The following ROBO2 variants were observed in gnomAD, a reference collection of about 807,000 sequenced individuals.
ROBO2 encodes roundabout guidance receptor 2, also known as roundabout homolog 2.
Under a neutral mutation model 160.8 loss-of-function variants are expected in ROBO2, and 53 were observed. The ratio of observed to expected loss-of-function variants is 0.33; its 90% CI spans 0.26 to 0.41. The LOEUF (loss-of-function observed/expected upper bound fraction) is 0.41. ROBO2 is among the 10% of genes least tolerant of loss of function. The pLI, the probability that ROBO2 is intolerant of heterozygous loss-of-function variation, is 1.00. For missense variants in ROBO2, 1,577 were observed against 1,722.4 expected (o/e 0.92, Z 1.49); for synonymous variants, 664 against 611.7 (o/e 1.09, Z -1.26).
intron 2 of ROBO2, among the ~76,000 whole-genome samples, chr3:76,284,791 A>G (rs1039059): frequency 0.011 from 1,610 of 152,184 alleles, 21 homozygotes; most frequent in African/African-American, 0.034. Context: ...ATATGCATTG[A>G]CATTTTCCCC....
At chr3:77,592,199 T>G (rs936934410) in intron 17 of ROBO2, among the ~76,000 whole-genome samples, 2 of 152,190 alleles carry the variant, frequency 1.3e-5, no homozygotes, top group Admixed American at 6.5e-5. Context: ...TTAGATTGTG[T>G]ACTAAATTGT....
chr3:77,454,119 G>C (rs58782614), intron 2 of ROBO2, among the ~76,000 whole-genome samples: 4 of 137,036 alleles, frequency 2.9e-5, no homozygotes, highest in African/African-American at 1.1e-4. Flanking sequence ...CTTACTCTGG[G>C]CTTTTTTTTT....
intron 2 of ROBO2, among the ~76,000 whole-genome samples, chr3:75,943,012 T>A (rs1576238832): frequency 6.2e-5 from 1 of 16,072 alleles, no homozygotes; most frequent in African/African-American, 7.7e-5. Flanking sequence ...CCTTAAAAAA[T>A]TATTTTTTTC....
At chr3:77,238,897 T>C (rs1035498771) in intron 2 of ROBO2, among the ~76,000 whole-genome samples, 1 of 152,148 alleles carries the variant, frequency 6.6e-6, no homozygotes, top group African/African-American at 2.4e-5. Context: ...AGGTGGCAGA[T>C]ATCTTGAGCA....
chr3:77,588,813 G>A, exon 17 of ROBO2: 1 of 1,613,606 alleles, frequency 6.2e-7, no homozygotes, highest in Non-Finnish European at 8.5e-7. Flanking sequence ...AATCACTGAT[G>A]TGGTGAAGCA....
At chr3:76,620,558 T>G (rs1443987014) in intron 2 of ROBO2, among the ~76,000 whole-genome samples, 2 of 152,178 alleles carry the variant, frequency 1.3e-5, no homozygotes, top group African/African-American at 4.8e-5. Flanking sequence ...GTAAACCTGA[T>G]AAAATATATC....
intron 2 of ROBO2, among the ~76,000 whole-genome samples, chr3:76,410,051 G>A (rs1411961414): frequency 6.6e-6 from 1 of 152,098 alleles, no homozygotes; most frequent in Admixed American, 6.6e-5. Flanking sequence ...GTTTTCGCAT[G>A]CATGTTTTGT....
intron 2 of ROBO2, among the ~76,000 whole-genome samples, chr3:76,115,107 C>T (rs1011917063): frequency 1.3e-5 from 2 of 152,052 alleles, no homozygotes; most frequent in African/African-American, 4.8e-5. Flanking sequence ...AACTCAACTT[C>T]GCATAAATCA....
intron 2 of ROBO2, among the ~76,000 whole-genome samples, chr3:77,333,027 A>G (rs1442139765): frequency 6.6e-6 from 1 of 152,194 alleles, no homozygotes; most frequent in Admixed American, 6.5e-5. Flanking sequence ...AGTGAAATCT[A>G]CTAAATTTTG....
chr3:77,565,362 A>G (rs1159193461), intron 12 of ROBO2, among the ~76,000 whole-genome samples: 1 of 152,104 alleles, frequency 6.6e-6, no homozygotes, highest in African/African-American at 2.4e-5. Flanking sequence ...CGTCGAATGA[A>G]TTCACTAAAT....
exon 26 of ROBO2, chr3:77,646,207 C>A: frequency 2.1e-6 from 1 of 480,224 alleles, no homozygotes; most frequent in Non-Finnish European, 3.7e-6. Context: ...ACACATATCC[C>A]ACAGATATTT....
At position 76,970,281 on chromosome 3, in the gene ROBO2, G is replaced by A. The variant is rs572859047; in HGVS notation, c.110-127733G>A. 8.8e-4 allele frequency among the ~76,000 whole-genome samples: 134 copies of A among 152,204 alleles called. No homozygotes were observed. The Middle Eastern group carries it at 0.017, about 19-fold the overall frequency. The stretch of plus-strand genomic sequence containing the variant: ...CCTCTACCATTTCCTTTACTTTCGG[G>A]AAAGGAGATTTTAAGTAAATACCAC... On this transcript the variant is annotated intron_variant, in intron 2 of 26. Transcript: ENST00000487694.
chr3:76,921,681 GTTTCTTTC>G (rs905671389), intron 2 of ROBO2, among the ~76,000 whole-genome samples: 3 of 151,976 alleles, frequency 2.0e-5, no homozygotes, highest in Non-Finnish European at 2.9e-5. Flanking sequence ...TTTTTTGTTT[GTTTCTTTC>G]TTTCTTTCTT....
intron 2 of ROBO2, among the ~76,000 whole-genome samples, chr3:76,421,525 G>A (rs1019282613): frequency 6.6e-6 from 1 of 151,998 alleles, no homozygotes; most frequent in Non-Finnish European, 1.5e-5. Flanking sequence ...TCAGGAGTGT[G>A]ACACCAGCCT....
At chr3:76,622,421 T>A (rs2089288926) in intron 2 of ROBO2, among the ~76,000 whole-genome samples, 1 of 152,096 alleles carries the variant, frequency 6.6e-6, no homozygotes, top group Non-Finnish European at 1.5e-5. Flanking sequence ...GCCATGATCA[T>A]GCCACTGCCC....
At chr3:76,150,754 C>T (rs1485272436) in intron 2 of ROBO2, among the ~76,000 whole-genome samples, 1 of 152,164 alleles carries the variant, frequency 6.6e-6, no homozygotes, top group East Asian at 1.9e-4. Context: ...TTTATTATTT[C>T]TTCATGGCAC....
At chr3:76,287,636 C>A (rs953203849) in intron 2 of ROBO2, among the ~76,000 whole-genome samples, 4 of 152,024 alleles carry the variant, frequency 2.6e-5, no homozygotes, top group Non-Finnish European at 5.9e-5. Flanking sequence ...TGGTGTTTTG[C>A]GTATTGGAAG....
chr3:76,577,910 C>T (rs2085408632), intron 2 of ROBO2, among the ~76,000 whole-genome samples: 2 of 152,104 alleles, frequency 1.3e-5, no homozygotes, highest in Admixed American at 1.3e-4. Flanking sequence ...TGTCCAGTCC[C>T]TCTACATATG....
At chr3:76,639,767 T>C (rs1340047858) in intron 2 of ROBO2, among the ~76,000 whole-genome samples, 4 of 152,108 alleles carry the variant, frequency 2.6e-5, no homozygotes. Context: ...GGCTAAAAGG[T>C]AACTTTTTGT....
Sources: gnomAD v4.1 joint callset for allele counts (sites outside exome capture counted in the v4.1 genomes callset) on GRCh38, gnomAD v4.1.1 for gene constraint, MANE v1.5 for transcripts, NCBI Gene and HGNC (gene_info 2026-07-23, HGNC 2026-07-21) for gene names.